Variants in DMKN observed in about 807,000 individuals in gnomAD.
DMKN encodes the protein dermokine.
DMKN carries 58 observed loss-of-function variants against 67.6 expected under a neutral mutation model. That is an observed-to-expected ratio of 0.86 (90% CI 0.69 to 1.07). DMKN has a LOEUF of 1.07. Ranked by LOEUF, DMKN falls within the 50% of genes least tolerant of loss-of-function variation. The pLI is 0.00. For missense variants in DMKN, 596 were observed against 601.5 expected, an observed-to-expected ratio of 0.99 and a Z score of 0.10; for synonymous variants, 240 against 232.3, an observed-to-expected ratio of 1.03 and a Z score of -0.30.
At chr19:35,500,243 G>T in intron 12 of DMKN, 3 of 1,330,742 alleles carry the variant, frequency 2.3e-6, no homozygotes, top group South Asian at 2.8e-5. Context: ...AATGGCCGCC[G>T]CCTCCTCCTC....
chr19:35,500,359 T>G (rs1599818663), intron 12 of DMKN, 174 bp downstream of exon 12: 1 of 1,551,298 alleles, frequency 6.4e-7, no homozygotes, highest in African/African-American at 1.4e-5. Context: ...ACCCAGCGGG[T>G]CCATGGTAGA....
Position 35,513,577 on chromosome 19 carries a change from T to TTCCGACTCCCTGTCCTCCC in DMKN, c.-121_-103dup. The TTCCGACTCCCTGTCCTCCC allele has an allele frequency of 7.1e-7, 1 of 1,405,516 alleles. No individual in the cohort carries two copies. Among genetic ancestry groups the TTCCGACTCCCTGTCCTCCC allele is most frequent in the African/African-American group, 1.4e-5 (1 of 69,438 alleles). 87.1% of individuals were successfully genotyped at this position (1,405,516 alleles called of 1,614,324 possible). On this transcript the variant is annotated 5_prime_UTR_variant, in exon 1 of 16. Transcript: ENST00000339686. The stretch of plus-strand genomic sequence containing the variant: ...TCTGTGCCCTCCTCTGTCCTCCTCC[T>TTCCGACTCCCTGTCCTCCC]TCCGACTCCCTGTCCTCCCTCCCTC...
chr19:35,510,878 G>A (rs560762431), intron 5 of DMKN, among the ~76,000 whole-genome samples: 1 of 152,190 alleles, frequency 6.6e-6, no homozygotes, highest in African/African-American at 2.4e-5. Context: ...TGGAGTCAGT[G>A]AGGCCCGGGG....
At chr19:35,501,201 C>T (rs1299341544) in intron 11 of DMKN, among the ~76,000 whole-genome samples, 3 of 152,118 alleles carry the variant, frequency 2.0e-5, no homozygotes, top group Non-Finnish European at 1.5e-5. Context: ...CCACTTGGAC[C>T]GTCCGCCCTG....
intron 8 of DMKN, 80 bp downstream of exon 8, chr19:35,505,859 A>T: frequency 6.2e-7 from 1 of 1,613,636 alleles, no homozygotes; most frequent in Non-Finnish European, 8.5e-7. Flanking sequence ...TGGTTTAGAA[A>T]GAGGACCCCA....
chr19:35,510,504 G>T, intron 5 of DMKN: 1 of 1,548,496 alleles, frequency 6.5e-7, no homozygotes, highest in Non-Finnish European at 8.7e-7. Flanking sequence ...CCCACCGCAG[G>T]CCGGGGGTGG....
intron 7 of DMKN, chr19:35,507,613 G>A (rs45527537): frequency 0.037 from 36,373 of 989,668 alleles, 813 homozygotes; most frequent in Middle Eastern, 0.062. Context: ...CTGAATCGGG[G>A]GACTGAGACA....
chr19:35,512,884 G>A, intron 1 of DMKN, 94 bp from the exon 2 acceptor site: 1 of 1,518,720 alleles, frequency 6.6e-7, no homozygotes, highest in Non-Finnish European at 8.8e-7. Context: ...GAGAGAGACA[G>A]GCAGAGGGAC....
In DMKN at chr19:35,499,986, C is replaced by T. The variant is rs544646868; in HGVS notation, c.1331G>A (p.Gly444Glu). 1 of 1,614,194 alleles carries T rather than the reference C, an allele frequency of 6.2e-7. No individual in the cohort carries two copies. Among genetic ancestry groups the T allele is most frequent in the South Asian group, 1.1e-5 (1 of 91,086 alleles). The change falls in exon 13 of 16, where the codon GGG (glycine) becomes GAG (glutamate). Residue 444 changes from glycine (G) to glutamate (E), a missense_variant. Transcript: ENST00000339686. ...NQHAYPTAYG[G>E]KYSVKTPAKG... ...TGCAGGGGTCTTGACTGAGTACTTC[C>T]CACCATAGGCAGTGGGATACGCATG...
At chr19:35,510,305 C>T (rs2070509545) in intron 5 of DMKN, 53 bp from the exon 6 acceptor site, 1 of 1,558,446 alleles carries the variant, frequency 6.4e-7, no homozygotes, top group Admixed American at 1.9e-5. Context: ...TAAAGGGGAC[C>T]CAGTCGTTCC....
rs781671155 is a variant in DMKN at position 35,511,515 on chromosome 19, T to C, written c.814A>G (p.Ser272Gly). The change falls in exon 5 of 16, where the codon AGC (serine) becomes GGC (glycine). Residue 272 changes from serine to glycine, a missense_variant. Coordinates refer to ENST00000339686, the MANE Select transcript of DMKN (RefSeq NM_033317.5). ...CCGCCACTGCTGCTGCCACTGCTGC[T>C]GCCACCACTGCTGCTGCCATTGTTG... ...DNNNGSSSGG[S>G]SSGSSSGGSS... The C allele has an allele frequency of 2.7e-5, 42 of 1,546,060 alleles. No homozygotes were observed. The African/African-American group carries it at 3.8e-4, about 14-fold the overall frequency.
chr19:35,512,694 C>T lies in DMKN; in HGVS notation c.523G>A (p.Gly175Arg), dbSNP rs902087174. 5.0e-6 allele frequency: 8 copies of T among 1,614,080 alleles called. No individual in the cohort carries two copies. Among genetic ancestry groups the T allele is most frequent in the South Asian group, 3.3e-5 (3 of 91,082 alleles). ...PGGLGTPWVH[G>R]YPGNSAGSFG... ...CTGCCTGCTGAGTTTCCGGGGTATC[C>T]GTGGACCCACGGAGTCCCCAGACCT... is the stretch of plus-strand genomic sequence containing the variant. Residue 175 changes from glycine (G) to arginine (R), a missense_variant, in exon 2 of 16, where the codon GGA becomes AGA. Transcript: ENST00000339686.
chr19:35,511,992 C>CTT (rs767298346), intron 3 of DMKN, among the ~76,000 whole-genome samples, 179 bp from the exon 4 acceptor site: 2 of 140,084 alleles, frequency 1.4e-5, no homozygotes, highest in Non-Finnish European at 3.0e-5. Context: ...GTCTCTTCCT[C>CTT]CTTTTTTTTT....
intron 9 of DMKN, among the ~76,000 whole-genome samples, chr19:35,503,633 G>A (rs570229113): frequency 8.5e-5 from 13 of 152,134 alleles, no homozygotes; most frequent in East Asian, 3.9e-4. Flanking sequence ...ACACCACCAC[G>A]CCTGGCTAAT....
rs370780944 is a variant in DMKN at position 35,501,797 on chromosome 19, G to A, written c.1239+339C>T. Reference sequence around the variant, plus strand: ...TTCTTCCCCTCAATACGATCTCCCCGCACCTGTGCACCCTGCGGTACCCAC... The same window carrying A: ...TTCTTCCCCTCAATACGATCTCCCCACACCTGTGCACCCTGCGGTACCCAC... On this transcript the variant is annotated intron_variant, in intron 11 of 15. Coordinates refer to ENST00000339686, the MANE Select transcript of DMKN (RefSeq NM_033317.5). The A allele has an allele frequency of 1.0e-4, 155 of 1,544,560 alleles. No individual in the cohort carries two copies. The African/African-American group carries it at 1.4e-3, about 14-fold the overall frequency.
Position 35,508,268 on chromosome 19 carries a change from C to A in DMKN, c.1038+1643G>T, listed in dbSNP as rs541267460. On this transcript the variant is annotated intron_variant, in intron 7 of 15. Coordinates refer to ENST00000339686, the MANE Select transcript of DMKN (RefSeq NM_033317.5). ...GCAGGGTGAGACAAAGAAACACAGA[C>A]CCCTGCTGAAGATCCTGAGGCCACC... 23 of 1,551,710 alleles carry A rather than the reference C, an allele frequency of 1.5e-5. No individual in the cohort carries two copies. The East Asian group carries it at 3.9e-4, about 26-fold the overall frequency.
intron 7 of DMKN, 84 bp from the exon 8 acceptor site, chr19:35,506,070 C>A: frequency 6.2e-7 from 1 of 1,609,316 alleles, no homozygotes; most frequent in East Asian, 2.2e-5. Context: ...GGAGGGGAGG[C>A]GAGGATTGTG....
Position 35,513,030 on chromosome 19 carries a change from G to T in DMKN, c.426+20C>A. ...AGCCCACAGCCTCCCATTTCCACATGCAGCCCCACAGCCACTCACCCAAGC... is the reference window on the plus strand; with the variant it reads ...AGCCCACAGCCTCCCATTTCCACATTCAGCCCCACAGCCACTCACCCAAGC... On this transcript the variant is annotated intron_variant, in intron 1 of 15. Coordinates refer to ENST00000339686, the MANE Select transcript of DMKN (RefSeq NM_033317.5). 3 of 1,610,248 alleles carry T rather than the reference G, an allele frequency of 1.9e-6. No homozygotes were observed. The highest frequency in any genetic ancestry group is 2.5e-6 in the Non-Finnish European group (3 of 1,178,272).
chr19:35,511,807 T>A lies in DMKN; in HGVS notation c.691A>T (p.Asn231Tyr). The A allele has an allele frequency of 2.5e-6, 4 of 1,613,124 alleles. No homozygotes were observed. The highest frequency in any genetic ancestry group is 3.4e-6 in the Non-Finnish European group (4 of 1,179,442). Residue 231 changes from asparagine to tyrosine, a missense_variant, in exon 4 of 16, where the codon AAT becomes TAT. Physicochemically the swap from Asn to Tyr is moderately radical, Grantham distance 143 (BLOSUM62 -2). Transcript: ENST00000339686. ...RASNQNEGCTNPPPSGSGGGS... is the reference protein window; with the variant it reads ...RASNQNEGCTYPPPSGSGGGS... ...CCACCTGAGCCAGATGGTGGGGGAT[T>A]CGTGCACTGTCGAGGGAAAGGGATG...
Sources: gnomAD v4.1 joint callset for allele counts (sites outside exome capture counted in the v4.1 genomes callset) on GRCh38, gnomAD v4.1.1 for gene constraint, MANE v1.5 for transcripts, NCBI Gene and HGNC (gene_info 2026-07-23, HGNC 2026-07-21) for gene names.